Variants in NXN observed in about 807,000 individuals in gnomAD.
NXN encodes nucleoredoxin 1.
Under a neutral mutation model 48.6 loss-of-function variants are expected in NXN, and 16 were observed. That is an observed-to-expected ratio of 0.33 (90% CI 0.22 to 0.50). The LOEUF (loss-of-function observed/expected upper bound fraction) is 0.50, where lower values mean the gene tolerates loss of function less well. Among genes scored for constraint, NXN ranks in the 20% least tolerant of loss-of-function variants. The pLI is 0.98. For synonymous variants in NXN, 281 were observed against 269.6 expected, an observed-to-expected ratio of 1.04 and a Z score of -0.41; for missense variants, 492 against 605.5, an observed-to-expected ratio of 0.81 and a Z score of 1.97.
At chr17:812,717 TG>T (rs549542368) in intron 5 of NXN, among the ~76,000 whole-genome samples, 189 of 142,426 alleles carry the variant, frequency 1.3e-3, no homozygotes, top group Non-Finnish European at 2.1e-3. Flanking sequence ...TGCATGTGAG[TG>T]TAGGGTGTGT....
At chr17:945,479 A>C (rs1004563984) in intron 1 of NXN, among the ~76,000 whole-genome samples, 6 of 151,358 alleles carry the variant, frequency 4.0e-5, no homozygotes, top group Non-Finnish European at 7.4e-5. Flanking sequence ...AATACGAAAA[A>C]AATTAGCCGG....
In NXN at chr17:979,503, C is replaced by A; in HGVS notation, c.176G>T (p.Arg59Leu). 2 of 1,226,956 alleles carry A rather than the reference C, an allele frequency of 1.6e-6. 1 individual carries two copies. The highest frequency in any genetic ancestry group is 6.0e-5 in the South Asian group (2 of 33,596). The allele number at this position is 1,226,956 out of a possible 1,614,324, so 76.0% of individuals were successfully genotyped here. ...LSASLAAFYGRLRGDAAAGPG... is the reference protein window; with the variant it reads ...LSASLAAFYGLLRGDAAAGPG... ...CCCGGCCGCCGCGTCCCCCCGCAGG[C>A]GCCCGTAGAAGGCGGCCAGGCTGGC... The change falls in exon 1 of 8, where the codon CGC becomes CTC. Residue 59 changes from arginine (R) to leucine (L), a missense_variant. Coordinates refer to ENST00000336868, the MANE Select transcript of NXN (RefSeq NM_022463.5).
chr17:896,347 A>AG (rs1205956113), intron 1 of NXN, among the ~76,000 whole-genome samples: 4 of 151,464 alleles, frequency 2.6e-5, no homozygotes. Context: ...TCTCAAAAAA[A>AG]AAAAAAAAAT....
chr17:812,746 G>A (rs1912175921), intron 5 of NXN, among the ~76,000 whole-genome samples: 1 of 116,692 alleles, frequency 8.6e-6, no homozygotes, highest in African/African-American at 3.9e-5. Context: ...GGGTGCGTGA[G>A]TGAGAGTGTG....
Position 895,173 on chromosome 17 carries a change from C to T in NXN, c.361-69095G>A, listed in dbSNP as rs562568312. On this transcript the variant is annotated intron_variant, in intron 1 of 7. Transcript: ENST00000336868. The stretch of plus-strand genomic sequence containing the variant: ...CTGGGATTACAGGCACCCACCACCA[C>T]GCCCAGCTAATTTTTGTATTTTTAG... Among the ~76,000 whole-genome samples, 351 of 151,766 alleles carry T rather than the reference C, an allele frequency of 2.3e-3. 3 individuals are homozygous for T. The highest frequency in any genetic ancestry group is 7.4e-3 in the African/African-American group (306 of 41,422).
At chr17:890,984 G>T (rs1387348688) in intron 1 of NXN, among the ~76,000 whole-genome samples, 1 of 152,024 alleles carries the variant, frequency 6.6e-6, no homozygotes, top group East Asian at 1.9e-4. Flanking sequence ...TGGAACATTT[G>T]TATTTTTCCC....
chr17:801,190 C>T, intron 7 of NXN, 59 bp from the exon 8 acceptor site: 2 of 1,345,988 alleles, frequency 1.5e-6, no homozygotes, highest in Non-Finnish European at 2.0e-6. Flanking sequence ...GGGGGAGAGT[C>T]CCCTGGGCCC....
At chr17:973,431 G>A (rs1330954791) in intron 1 of NXN, among the ~76,000 whole-genome samples, 4 of 152,158 alleles carry the variant, frequency 2.6e-5, no homozygotes, top group African/African-American at 7.2e-5. Context: ...TGCTTTGTGC[G>A]TAATTTCTCT....
rs17619948 is a variant in NXN, at chr17:909,426, G to A, written c.360+69893C>T. ...AACATTTGGACAGACCTGCACTGTT[G>A]AGAAAAAACAATCAAGCCACCGAAA... On this transcript the variant is annotated intron_variant, in intron 1 of 7. Transcript: ENST00000336868. 3.2e-3 allele frequency among the ~76,000 whole-genome samples: 485 copies of A among 151,874 alleles called. 1 individual carries two copies. The highest frequency in any genetic ancestry group is 5.1e-3 in the Non-Finnish European group (344 of 67,970).
intron 1 of NXN, among the ~76,000 whole-genome samples, chr17:877,511 C>T (rs982380146): frequency 6.6e-6 from 1 of 152,186 alleles, no homozygotes; most frequent in Non-Finnish European, 1.5e-5. Flanking sequence ...GTGTGAAGCC[C>T]TGTGCTAAAG....
intron 1 of NXN, among the ~76,000 whole-genome samples, chr17:931,327 C>A (rs2150597005): frequency 6.6e-6 from 1 of 150,422 alleles, no homozygotes; most frequent in East Asian, 2.0e-4. Context: ...GTGGTGTGTG[C>A]CTGTAATCTC....
intron 1 of NXN, among the ~76,000 whole-genome samples, chr17:881,859 T>TA (rs2144838189): frequency 6.6e-6 from 1 of 152,140 alleles, no homozygotes; most frequent in African/African-American, 2.4e-5. Flanking sequence ...CGACACAAAA[T>TA]AACACTGACT....
At position 804,049 on chromosome 17, in the gene NXN, C is replaced by A. The variant is rs3851778; in HGVS notation, c.1001-243G>T. ...CGGGCTCCCCAGGAGGAACCTGCCT[C>A]ACTGAGCAGCTCTGCTCTCCCAGGT... On this transcript the variant is annotated intron_variant, in intron 6 of 7. Coordinates refer to ENST00000336868, the MANE Select transcript of NXN (RefSeq NM_022463.5). 5.3e-3 allele frequency: 2,811 copies of A among 529,058 alleles called. 69 individuals carry two copies. Among genetic ancestry groups the A allele is most frequent in the African/African-American group, 0.048 (2,514 of 52,318 alleles). 32.8% of individuals were successfully genotyped at this position (529,058 alleles called of 1,614,324 possible).
chr17:803,815 G>A lies in NXN; in HGVS notation c.1001-9C>T, dbSNP rs554032722. ...TCCGTCATCCTCAGAATCTGTGATT[G>A]GGTCGGGGGTAGAAAAAGACGGGGA... On this transcript the variant is annotated splice_polypyrimidine_tract_variant and intron_variant, in intron 6 of 7. Transcript: ENST00000336868. 17 of 1,613,992 alleles carry A rather than the reference G, an allele frequency of 1.1e-5. No individual in the cohort carries two copies. The South Asian group carries it at 1.6e-4, about 16-fold the overall frequency.
intron 1 of NXN, among the ~76,000 whole-genome samples, chr17:937,451 C>T (rs545065820): frequency 6.6e-6 from 1 of 152,240 alleles, no homozygotes; most frequent in Admixed American, 6.5e-5. Context: ...GATCCGTACA[C>T]AGTGAGAACC....
intron 4 of NXN, among the ~76,000 whole-genome samples, chr17:820,085 C>A (rs1597627571): frequency 6.6e-6 from 1 of 152,138 alleles, no homozygotes; most frequent in Non-Finnish European, 1.5e-5. Context: ...TGAGCGGAGA[C>A]CGACCCAAGG....
chr17:865,865 C>A (rs1444291774), intron 1 of NXN, among the ~76,000 whole-genome samples: 1 of 152,080 alleles, frequency 6.6e-6, no homozygotes, highest in African/African-American at 2.4e-5. Flanking sequence ...TGCCTGTAAT[C>A]CCAGCTACTC....
intron 1 of NXN, among the ~76,000 whole-genome samples, chr17:871,880 GT>G (rs1157879526): frequency 2.0e-5 from 3 of 152,044 alleles, no homozygotes; most frequent in African/African-American, 7.2e-5. Flanking sequence ...AGCATCTGCA[GT>G]GCTATTTGCT....
At chr17:953,433 G>A (rs2069134573) in intron 1 of NXN, among the ~76,000 whole-genome samples, 1 of 152,056 alleles carries the variant, frequency 6.6e-6, no homozygotes, top group Admixed American at 6.6e-5. Context: ...AAAAGACTAT[G>A]ACCCCCCTCC....
Sources: allele counts gnomAD v4.1 joint callset (sites outside exome capture counted in the v4.1 genomes callset), GRCh38; gene constraint gnomAD v4.1.1; transcripts MANE v1.5; gene names NCBI Gene and HGNC (gene_info 2026-07-23, HGNC 2026-07-21).